Variants in CCDC102B observed in about 807,000 individuals in gnomAD.
CCDC102B encodes coiled-coil domain containing 102B, also known as coiled-coil domain-containing protein 102B.
Under a neutral mutation model 57.4 loss-of-function variants are expected in CCDC102B, and 75 were observed. That is an observed-to-expected ratio of 1.31 (90% CI 1.08 to 1.58). CCDC102B has a LOEUF of 1.58. CCDC102B is among the 40% of genes most tolerant of loss of function. The pLI is 0.00. For missense variants in CCDC102B, 636 were observed against 582.6 expected (o/e 1.09, Z -0.94); for synonymous variants, 206 against 201.9 (o/e 1.02, Z -0.17).
intron 7 of CCDC102B, among the ~76,000 whole-genome samples, chr18:69,048,832 G>A (rs2052628487): frequency 6.6e-6 from 1 of 151,960 alleles, no homozygotes; most frequent in South Asian, 2.1e-4. Flanking sequence ...AATCACTTGG[G>A]ATCTGGTTCA....
At chr18:68,830,744 G>T (rs1168487671) in intron 1 of CCDC102B, among the ~76,000 whole-genome samples, 3 of 148,708 alleles carry the variant, frequency 2.0e-5, no homozygotes, top group East Asian at 4.0e-4. Context: ...AGAAATTTCA[G>T]CAATATTTTA....
chr18:68,958,857 T>C (rs2049975254), intron 6 of CCDC102B, among the ~76,000 whole-genome samples: 1 of 152,182 alleles, frequency 6.6e-6, no homozygotes, highest in South Asian at 2.1e-4. Flanking sequence ...TTTTTAGTTA[T>C]TTTAACCTCT....
At chr18:68,914,777 C>A (rs916401645) in intron 6 of CCDC102B, among the ~76,000 whole-genome samples, 4 of 152,002 alleles carry the variant, frequency 2.6e-5, no homozygotes, top group Admixed American at 2.0e-4. Context: ...GAAGCATTTG[C>A]GGATTTTAAT....
chr18:68,803,776 CT>C (rs1182787657), intron 1 of CCDC102B, among the ~76,000 whole-genome samples: 4,700 of 152,212 alleles, frequency 0.031, 229 homozygotes, highest in African/African-American at 0.11. Flanking sequence ...TATTATTTTA[CT>C]TTTAAAAGGG....
intron 2 of CCDC102B, among the ~76,000 whole-genome samples, chr18:68,763,303 C>T (rs974217754): frequency 5.9e-5 from 9 of 152,018 alleles, no homozygotes; most frequent in Non-Finnish European, 7.4e-5. Flanking sequence ...CAGGAAAGGG[C>T]GCCTGCAATA....
At position 68,830,481 on chromosome 18, in the gene CCDC102B, A is replaced by G. The variant is rs989867498; in HGVS notation, c.-15-6268A>G. 2.0e-4 allele frequency among the ~76,000 whole-genome samples: 30 copies of G among 151,968 alleles called. No homozygotes were observed. In the East Asian group the frequency reaches 5.4e-3, roughly 27 times the overall value. On this transcript the variant is annotated intron_variant, in intron 1 of 7. Coordinates refer to ENST00000360242, the MANE Select transcript of CCDC102B (RefSeq NM_024781.3). The stretch of plus-strand genomic sequence containing the variant: ...AAGTTGGATTAGATTGCATAAGAAA[A>G]TTGGGATAGTTTGTGGCTTTGTTCA...
At chr18:68,782,684 C>CAAAAAGATTTGACTTAACCAA (rs2035046803) in intron 2 of CCDC102B, among the ~76,000 whole-genome samples, 1 of 152,124 alleles carries the variant, frequency 6.6e-6, no homozygotes, top group Non-Finnish European at 1.5e-5. Context: ...TTGACTTAAT[C>CAAAAAGATTTGACTTAACCAA]AGCATTGATT....
chr18:68,826,453 T>C (rs1469897733), intron 1 of CCDC102B, among the ~76,000 whole-genome samples: 1 of 152,220 alleles, frequency 6.6e-6, no homozygotes, highest in African/African-American at 2.4e-5. Context: ...ATAAAAAGAA[T>C]GCTAGCAGCA....
chr18:68,942,768 C>T (rs893155663), intron 6 of CCDC102B, among the ~76,000 whole-genome samples: 9 of 151,852 alleles, frequency 5.9e-5, no homozygotes, highest in Non-Finnish European at 2.9e-5. Context: ...CTTATCTCAA[C>T]TGCAAAGAGG....
At chr18:68,966,450 A>G (rs1312414291) in intron 6 of CCDC102B, among the ~76,000 whole-genome samples, 2 of 152,136 alleles carry the variant, frequency 1.3e-5, no homozygotes, top group African/African-American at 4.8e-5. Context: ...ATCAGGAGTT[A>G]GGCAGGGGTT....
chr18:68,723,021 AG>A (rs1057385581), intron 2 of CCDC102B, among the ~76,000 whole-genome samples: 1 of 152,030 alleles, frequency 6.6e-6, no homozygotes, highest in Admixed American at 6.6e-5. Context: ...TTATAAAAAA[AG>A]GAAGTTTGAA....
chr18:68,890,320 C>T (rs539510343), intron 5 of CCDC102B, among the ~76,000 whole-genome samples: 7 of 152,130 alleles, frequency 4.6e-5, no homozygotes, highest in African/African-American at 1.7e-4. Context: ...ACTGCAGCTT[C>T]GACCTTCTGG....
chr18:68,851,395 C>T (rs1048424606), intron 4 of CCDC102B, among the ~76,000 whole-genome samples: 10 of 152,124 alleles, frequency 6.6e-5, no homozygotes, highest in African/African-American at 2.2e-4. Context: ...GATAAAACAC[C>T]ATAGTAGAAT....
chr18:68,790,014 G>T (rs1028085646), intron 2 of CCDC102B, among the ~76,000 whole-genome samples: 23 of 149,354 alleles, frequency 1.5e-4, no homozygotes, highest in African/African-American at 5.3e-4. Flanking sequence ...TTTTGGTGTG[G>T]ATGTCCTTTC....
chr18:68,918,951 G>A (rs527598458), intron 6 of CCDC102B, among the ~76,000 whole-genome samples: 6 of 151,818 alleles, frequency 4.0e-5, no homozygotes, highest in East Asian at 1.9e-4. Context: ...TTTAGCTATC[G>A]AATATGTATT....
At chr18:68,806,270 T>C (rs1017939818) in intron 1 of CCDC102B, among the ~76,000 whole-genome samples, 31 of 152,174 alleles carry the variant, frequency 2.0e-4, no homozygotes, top group African/African-American at 2.7e-4. Flanking sequence ...GTCTCAAAGC[T>C]TAGATAAGAA....
intron 2 of CCDC102B, among the ~76,000 whole-genome samples, chr18:68,791,096 T>C (rs754153489): frequency 2.0e-5 from 3 of 152,224 alleles, no homozygotes; most frequent in Non-Finnish European, 2.9e-5. Context: ...TCAATATTGC[T>C]GCCAAGAATA....
chr18:69,056,636 AATAG>A (rs71176933), downstream of CCDC102B, among the ~76,000 whole-genome samples: 9,557 of 121,894 alleles, frequency 0.078, 611 homozygotes, highest in African/African-American at 0.18. Flanking sequence ...ATAGATAGAT[AATAG>A]ATAGATAGAT....
intron 2 of CCDC102B, among the ~76,000 whole-genome samples, chr18:68,727,691 G>A (rs2145196484): frequency 6.6e-6 from 1 of 152,336 alleles, no homozygotes; most frequent in East Asian, 1.9e-4. Context: ...GTTTACAGGT[G>A]ACAATTCCAG....
Sources: allele counts gnomAD v4.1 joint callset (sites outside exome capture counted in the v4.1 genomes callset), GRCh38; gene constraint gnomAD v4.1.1; transcripts MANE v1.5; gene names NCBI Gene and HGNC (gene_info 2026-07-23, HGNC 2026-07-21).